The following RUNX1T1 variants were observed in gnomAD, a reference collection of about 807,000 sequenced individuals.
The protein encoded by RUNX1T1 is protein CBFA2T1.
RUNX1T1 carries 4 observed loss-of-function variants against 62.8 expected under a neutral mutation model. That is an observed-to-expected ratio of 0.06 (90% CI 0.03 to 0.15). The LOEUF (loss-of-function observed/expected upper bound fraction) is 0.15. RUNX1T1 is among the 10% of genes least tolerant of loss of function. The pLI is 1.00. For missense variants in RUNX1T1, 508 were observed against 754.3 expected, an observed-to-expected ratio of 0.67 and a Z score of 3.82; for synonymous variants, 291 against 286.0, an observed-to-expected ratio of 1.02 and a Z score of -0.18.
At chr8:92,027,540 GA>G (rs1258166028) in intron 1 of RUNX1T1, among the ~76,000 whole-genome samples, 1 of 152,134 alleles carries the variant, frequency 6.6e-6, no homozygotes, top group Non-Finnish European at 1.5e-5. Context: ...GATGAGATAG[GA>G]AAAACAAGTC....
At chr8:92,034,791 C>CACACCTATACAT (rs879497772) in intron 1 of RUNX1T1, among the ~76,000 whole-genome samples, 2 of 115,576 alleles carry the variant, frequency 1.7e-5, no homozygotes, top group African/African-American at 6.9e-5. Flanking sequence ...TATATATATA[C>CACACCTATACAT]ATATATACAC....
At chr8:91,960,214 C>T (rs1780361691) in exon 11 of RUNX1T1, 1 of 1,594,564 alleles carries the variant, frequency 6.3e-7, no homozygotes, top group South Asian at 1.1e-5. Flanking sequence ...GTTGTGTTGT[C>T]TTTCCTCCGA....
intron 3 of RUNX1T1, among the ~76,000 whole-genome samples, chr8:92,011,348 A>G (rs1821887564): frequency 6.6e-6 from 1 of 152,240 alleles, no homozygotes; most frequent in Non-Finnish European, 1.5e-5. Flanking sequence ...CATGATCACT[A>G]GCATGGTTTA....
rs1038441595 is a variant in RUNX1T1, at chr8:92,057,354, A to G, written c.7+5192T>C. On this transcript the variant is annotated intron_variant, in intron 1 of 10. Transcript: ENST00000396218. The stretch of plus-strand genomic sequence containing the variant: ...AAAAAGAGAATTCAAAGTCCAGGGA[A>G]TCCCATCTCTACCATTTAACTTTAC... Among the ~76,000 whole-genome samples, 14 of 152,220 alleles carry G rather than the reference A, an allele frequency of 9.2e-5. 1 individual carries two copies. Among genetic ancestry groups the G allele is most frequent in the Admixed American group, 9.2e-4 (14 of 15,276 alleles).
chr8:92,067,018 G>T (rs4506267), upstream of RUNX1T1, among the ~76,000 whole-genome samples: 1 of 152,000 alleles, frequency 6.6e-6, no homozygotes. Flanking sequence ...CAGCCAGCCC[G>T]CAGAACTCAC....
rs560845618 is a variant in RUNX1T1 at position 92,054,310 on chromosome 8, C to G, written c.7+8236G>C. Reference sequence around the variant, plus strand: ...ATAAAGATGAGGCAGAAAATCCTATCAAGCATAGGCAAAACTCAGAAAATT... The same window carrying G: ...ATAAAGATGAGGCAGAAAATCCTATGAAGCATAGGCAAAACTCAGAAAATT... On this transcript the variant is annotated intron_variant, in intron 1 of 10. Transcript: ENST00000396218. Among the ~76,000 whole-genome samples, 48 of 152,238 alleles carry G rather than the reference C, an allele frequency of 3.2e-4. 1 individual carries two copies. Among genetic ancestry groups the G allele is most frequent in the Admixed American group, 9.8e-4 (15 of 15,290 alleles).
chr8:92,086,950 A>T (rs1191934946), intron 1 of RUNX1T1, among the ~76,000 whole-genome samples: 2 of 152,146 alleles, frequency 1.3e-5, no homozygotes, highest in African/African-American at 4.8e-5. Flanking sequence ...TCACATTAGG[A>T]CCAACTCTTT....
upstream of RUNX1T1, among the ~76,000 whole-genome samples, chr8:92,100,511 G>C (rs1200832986): frequency 6.6e-6 from 1 of 152,116 alleles, no homozygotes. Context: ...TGGTTGTTTT[G>C]TTGGAATTTC....
At chr8:92,040,622 C>G (rs548001921) in intron 1 of RUNX1T1, among the ~76,000 whole-genome samples, 1 of 152,222 alleles carries the variant, frequency 6.6e-6, no homozygotes, top group Non-Finnish European at 1.5e-5. Context: ...TTAGGTCTGG[C>G]TCTACTGTGC....
chr8:92,017,493 C>G, intron 1 of RUNX1T1, 130 bp from the exon 3 acceptor site: 3 of 1,545,796 alleles, frequency 1.9e-6, no homozygotes, highest in Non-Finnish European at 1.7e-6. Flanking sequence ...ATACACTTAT[C>G]TACTGACGTT....
At chr8:92,049,723 A>G (rs1446682501) in intron 1 of RUNX1T1, among the ~76,000 whole-genome samples, 1 of 152,200 alleles carries the variant, frequency 6.6e-6, no homozygotes, top group South Asian at 2.1e-4. Flanking sequence ...GCCTAACACA[A>G]TAAGTCGAAC....
downstream of RUNX1T1, chr8:91,955,160 C>G (rs1182726356): frequency 1.4e-5 from 3 of 216,108 alleles, no homozygotes; most frequent in African/African-American, 4.5e-5. Context: ...TGGCGTCCAC[C>G]ACCTGGAAGT....
At chr8:91,997,901 T>A (rs1021797268) in intron 5 of RUNX1T1, among the ~76,000 whole-genome samples, 1 of 152,202 alleles carries the variant, frequency 6.6e-6, no homozygotes, top group Non-Finnish European at 1.5e-5. Flanking sequence ...CTTACTTTAT[T>A]TTATTCTTAT....
At chr8:92,074,181 T>C (rs967315155) in intron 2 of RUNX1T1, among the ~76,000 whole-genome samples, 5 of 152,220 alleles carry the variant, frequency 3.3e-5, no homozygotes, top group African/African-American at 1.2e-4. Flanking sequence ...GTGTTTCTGA[T>C]ACATGATGCT....
intron 8 of RUNX1T1, among the ~76,000 whole-genome samples, chr8:91,983,423 T>A (rs575847459): frequency 2.0e-5 from 3 of 152,292 alleles, no homozygotes; most frequent in South Asian, 2.1e-4. Context: ...ATGCTAAGAA[T>A]GTGTGTATGA....
At chr8:92,029,344 A>G (rs1825821715) in intron 1 of RUNX1T1, among the ~76,000 whole-genome samples, 1 of 152,190 alleles carries the variant, frequency 6.6e-6, no homozygotes, top group East Asian at 1.9e-4. Flanking sequence ...AGTACTGGAT[A>G]GCAATAGTCT....
intron 1 of RUNX1T1, among the ~76,000 whole-genome samples, chr8:92,025,211 T>C (rs2131255784): frequency 6.6e-6 from 1 of 152,292 alleles, no homozygotes; most frequent in Middle Eastern, 3.4e-3. Context: ...TCCAGTTATT[T>C]TTCTATGTAT....
chr8:92,007,630 T>C (rs929256463), intron 4 of RUNX1T1, among the ~76,000 whole-genome samples: 1 of 152,166 alleles, frequency 6.6e-6, no homozygotes. Flanking sequence ...CTACGGCTCC[T>C]AGGCTATAAA....
At chr8:91,999,249 TGAGA>T (rs1318045399) in intron 5 of RUNX1T1, among the ~76,000 whole-genome samples, 1 of 152,284 alleles carries the variant, frequency 6.6e-6, no homozygotes, top group East Asian at 1.9e-4. Context: ...GAGAGCAGAA[TGAGA>T]GATTACTCCA....
Sources: allele counts gnomAD v4.1 joint callset (sites outside exome capture counted in the v4.1 genomes callset), GRCh38; gene constraint gnomAD v4.1.1; transcripts MANE v1.5; gene names NCBI Gene and HGNC (gene_info 2026-07-23, HGNC 2026-07-21).